The following PARD3 variants were observed in gnomAD, a reference collection of about 807,000 sequenced individuals.
PARD3 encodes par-3 family cell polarity regulator.
PARD3 carries 75 observed loss-of-function variants against 155.4 expected under a neutral mutation model. The observed-to-expected ratio is 0.48, with a 90% confidence interval of 0.40 to 0.58. PARD3 has a LOEUF of 0.58. PARD3 is among the 20% of genes least tolerant of loss of function. The pLI is 0.00. For synonymous variants in PARD3, 576 were observed against 610.5 expected (o/e 0.94, Z 0.83); for missense variants, 1,642 against 1,721.7 (o/e 0.95, Z 0.82).
In PARD3 at chr10:34,785,297, C is replaced by T. The variant is rs557986759; in HGVS notation, c.120+29579G>A. ...TCAAAAAACCTCAATATCCAAAAACCTGCACATGTATCACACATTTATGCT... is the reference window on the plus strand; with the variant it reads ...TCAAAAAACCTCAATATCCAAAAACTTGCACATGTATCACACATTTATGCT... On this transcript the variant is annotated intron_variant, in intron 1 of 24. Coordinates refer to ENST00000374788, the MANE Select transcript of PARD3 (RefSeq NM_001184785.2). Among the ~76,000 whole-genome samples, 35 of 152,284 alleles carry T rather than the reference C, an allele frequency of 2.3e-4. No homozygotes were observed. The South Asian group carries it at 3.3e-3, about 14-fold the overall frequency.
intron 22 of PARD3, among the ~76,000 whole-genome samples, chr10:34,133,261 C>T (rs1439429515): frequency 1.3e-5 from 2 of 152,144 alleles, no homozygotes; most frequent in East Asian, 1.9e-4. Context: ...CACACCCAGA[C>T]ACTACCGTGG....
intron 2 of PARD3, among the ~76,000 whole-genome samples, chr10:34,520,909 T>C (rs911352717): frequency 6.6e-6 from 1 of 152,228 alleles, no homozygotes; most frequent in Non-Finnish European, 1.5e-5. Context: ...TGGATTGCTA[T>C]ACTTGATTTT....
At chr10:34,716,237 T>C (rs2094517847) in intron 1 of PARD3, among the ~76,000 whole-genome samples, 1 of 152,190 alleles carries the variant, frequency 6.6e-6, no homozygotes, top group South Asian at 2.1e-4. Flanking sequence ...TGGTACATGG[T>C]GTCTCAGAAA....
intron 5 of PARD3, among the ~76,000 whole-genome samples, chr10:34,416,522 T>C (rs1028145295): frequency 6.6e-6 from 1 of 152,170 alleles, no homozygotes; most frequent in Non-Finnish European, 1.5e-5. Context: ...CAGATCTTCA[T>C]TAAGCACCTA....
At chr10:34,586,516 C>A (rs2134311226) in intron 2 of PARD3, among the ~76,000 whole-genome samples, 1 of 152,232 alleles carries the variant, frequency 6.6e-6, no homozygotes, top group East Asian at 1.9e-4. Context: ...CCACCTTATT[C>A]ATCACTGAGC....
intron 21 of PARD3, 41 bp downstream of exon 21, chr10:34,284,092 GAA>G (rs759008279): frequency 1.0e-6 from 1 of 985,482 alleles, no homozygotes; most frequent in Non-Finnish European, 1.5e-6. Context: ...AAAAAAAAAA[GAA>G]CCTCTTTCTA....
intron 2 of PARD3, among the ~76,000 whole-genome samples, chr10:34,608,264 T>C (rs1460191552): frequency 6.6e-6 from 1 of 152,190 alleles, no homozygotes; most frequent in Non-Finnish European, 1.5e-5. Flanking sequence ...TTCTCCATGA[T>C]TTCTGCCTCG....
intron 2 of PARD3, among the ~76,000 whole-genome samples, chr10:34,538,441 T>C (rs1489727679): frequency 6.6e-6 from 1 of 152,250 alleles, no homozygotes; most frequent in Admixed American, 6.5e-5. Flanking sequence ...GGGTAATGAC[T>C]GACTAGATTG....
chr10:34,761,659 T>C (rs1837451276), intron 1 of PARD3, among the ~76,000 whole-genome samples: 1 of 152,168 alleles, frequency 6.6e-6, no homozygotes, highest in South Asian at 2.1e-4. Flanking sequence ...CCCTTGATGA[T>C]TAAAATGAGC....
At chr10:34,806,354 C>T (rs867381179) in intron 1 of PARD3, among the ~76,000 whole-genome samples, 1 of 152,082 alleles carries the variant, frequency 6.6e-6, no homozygotes, top group African/African-American at 2.4e-5. Flanking sequence ...CACCACCATG[C>T]CCAGCTATTT....
chr10:34,665,051 T>C (rs1240859173), intron 2 of PARD3, among the ~76,000 whole-genome samples: 1 of 151,898 alleles, frequency 6.6e-6, no homozygotes. Flanking sequence ...GGGATCCTAC[T>C]GAATAGAGGC....
At chr10:34,197,428 C>G (rs1007897982) in intron 22 of PARD3, among the ~76,000 whole-genome samples, 10 of 152,164 alleles carry the variant, frequency 6.6e-5, no homozygotes, top group African/African-American at 2.4e-4. Flanking sequence ...GAAACACAGG[C>G]CACCCGCCCA....
intron 22 of PARD3, among the ~76,000 whole-genome samples, chr10:34,166,628 A>G (rs941724413): frequency 3.1e-5 from 4 of 127,844 alleles, no homozygotes; most frequent in African/African-American, 1.0e-4. Context: ...GATCCTGTCT[A>G]AAAAAAAAAA....
chr10:34,217,497 G>A (rs907459973), intron 22 of PARD3, among the ~76,000 whole-genome samples: 2 of 152,176 alleles, frequency 1.3e-5, no homozygotes, highest in Non-Finnish European at 2.9e-5. Flanking sequence ...TTACAGAGGT[G>A]TAACAGGTGG....
chr10:34,215,145 C>T (rs1333113760), intron 22 of PARD3, among the ~76,000 whole-genome samples: 1 of 152,192 alleles, frequency 6.6e-6, no homozygotes, highest in African/African-American at 2.4e-5. Context: ...CATTTTGCCT[C>T]ATTCTTGGAA....
intron 8 of PARD3, 90 bp downstream of exon 8, chr10:34,384,039 G>A: frequency 1.5e-6 from 2 of 1,304,854 alleles, no homozygotes; most frequent in Non-Finnish European, 2.2e-6. Flanking sequence ...TACAGACTGA[G>A]ATCACAGACA....
chr10:34,792,418 C>T (rs1841766691), intron 1 of PARD3, among the ~76,000 whole-genome samples: 1 of 152,190 alleles, frequency 6.6e-6, no homozygotes, highest in African/African-American at 2.4e-5. Flanking sequence ...CAGTAGCACC[C>T]ATTCTCCCAT....
chr10:34,300,097 TAG>T (rs1400047721), intron 20 of PARD3, among the ~76,000 whole-genome samples: 1 of 152,198 alleles, frequency 6.6e-6, no homozygotes, highest in African/African-American at 2.4e-5. Context: ...TTCACATTAA[TAG>T]TTTGAACATA....
At chr10:34,738,679 G>C (rs1398738357) in intron 1 of PARD3, among the ~76,000 whole-genome samples, 1 of 152,194 alleles carries the variant, frequency 6.6e-6, no homozygotes, top group East Asian at 1.9e-4. Context: ...AGGAGGTCCA[G>C]GCTGCAGTGA....
Sources: gnomAD v4.1 joint callset for allele counts (sites outside exome capture counted in the v4.1 genomes callset) on GRCh38, gnomAD v4.1.1 for gene constraint, MANE v1.5 for transcripts, NCBI Gene and HGNC (gene_info 2026-07-23, HGNC 2026-07-21) for gene names.